GNG7: variants seen among roughly 807,000 people sequenced by gnomAD.
GNG7 encodes G protein subunit gamma 7, also known as guanine nucleotide-binding protein G(I)/G(S)/G(O) subunit gamma-7.
GNG7 carries 1 observed loss-of-function variant against 4.0 expected under a neutral mutation model. The observed-to-expected ratio is 0.25, with a 90% CI of 0.09 to 1.18. The LOEUF is 1.18. Among genes scored for constraint, GNG7 ranks in the 50% most tolerant of loss-of-function variants. GNG7 has a pLI of 0.50. For missense variants in GNG7, 86 were observed against 91.9 expected (o/e 0.94, Z 0.26); for synonymous variants, 34 against 36.9 (o/e 0.92, Z 0.29).
intron 3 of GNG7, among the ~76,000 whole-genome samples, chr19:2,536,585 A>G (rs1429642339): frequency 6.6e-6 from 1 of 152,236 alleles, no homozygotes; most frequent in East Asian, 1.9e-4. Context: ...TGGCTTGCAG[A>G]CAAGAGCACT....
At chr19:2,651,727 AGCTAATTTTT>A (rs1171538550) in intron 1 of GNG7, among the ~76,000 whole-genome samples, 1 of 151,120 alleles carries the variant, frequency 6.6e-6, no homozygotes, top group African/African-American at 2.4e-5. Flanking sequence ...CACCACGCCC[AGCTAATTTTT>A]GTAGTTTTTG....
At position 2,519,246 on chromosome 19, in the gene GNG7, G is replaced by C. The variant is rs1166791978; in HGVS notation, c.81+1362C>G. 4.7e-5 allele frequency among the ~76,000 whole-genome samples: 7 copies of C among 149,522 alleles called. No individual in the cohort carries two copies. In the Middle Eastern group the frequency reaches 0.01, roughly 219 times the overall value. On this transcript the variant is annotated intron_variant, in intron 4 of 4. Coordinates refer to ENST00000382159, the MANE Select transcript of GNG7 (RefSeq NM_052847.3). ...GCTCACTGCAACCTCCACCTCCCAG[G>C]TTCAAGTGATTCTCCTGCCTCAGCC...
At position 2,633,487 on chromosome 19, in the gene GNG7, GCACACACACACACA is replaced by G. The variant is rs796899840; in HGVS notation, c.-78+12723_-78+12736del. Among the ~76,000 whole-genome samples, 83 of 103,810 alleles carry G rather than the reference GCACACACACACACA, an allele frequency of 8.0e-4. No individual in the cohort carries two copies. Among genetic ancestry groups the G allele is most frequent in the Admixed American group, 4.5e-3 (49 of 10,812 alleles). The allele number at this position is 103,810 out of a possible 152,430, so 68.1% of individuals were successfully genotyped here. On this transcript the variant is annotated intron_variant, in intron 2 of 4. Coordinates refer to ENST00000382159, the MANE Select transcript of GNG7 (RefSeq NM_052847.3). The surrounding 1 kb of genome is among the most constrained non-coding windows in gnomAD (Gnocchi z 5.9). Reference sequence around the variant, plus strand: ...TAGCAACAGGCGCGCGCGCGCGCGCGCACACACACACACACACACACACACACACACACACACGA... The same window carrying G: ...TAGCAACAGGCGCGCGCGCGCGCGCGCACACACACACACACACACACACGA...
intron 3 of GNG7, among the ~76,000 whole-genome samples, chr19:2,542,045 C>T (rs1339866025): frequency 6.6e-6 from 1 of 151,572 alleles, no homozygotes; most frequent in Non-Finnish European, 1.5e-5. Flanking sequence ...TTCCAAAGAG[C>T]TCCCTGTGGC....
At chr19:2,629,552 C>T (rs763856964) in intron 2 of GNG7, among the ~76,000 whole-genome samples, 11 of 152,276 alleles carry the variant, frequency 7.2e-5, no homozygotes, top group East Asian at 3.9e-4. Context: ...CCCCTCCCCA[C>T]GACAAAGCCC....
chr19:2,518,093 C>T lies in GNG7; in HGVS notation c.81+2515G>A, dbSNP rs1978292002. On this transcript the variant is annotated intron_variant, in intron 4 of 4. Transcript: ENST00000382159. ...CTGGCATTGTGGCTCCAGCACGTGG[C>T]ACCTTGGCACCACCCCCCATGCCCA... is the stretch of plus-strand genomic sequence containing the variant. Among the ~76,000 whole-genome samples, 4 of 152,218 alleles carry T rather than the reference C, an allele frequency of 2.6e-5. 2 individuals are homozygous for T. The South Asian group carries it at 8.3e-4, about 31-fold the overall frequency.
At chr19:2,564,175 C>G (rs1224774039) in intron 2 of GNG7, among the ~76,000 whole-genome samples, 1 of 152,150 alleles carries the variant, frequency 6.6e-6, no homozygotes, top group Non-Finnish European at 1.5e-5. Flanking sequence ...TGGCACGTAA[C>G]CTTCTCAGAG....
At chr19:2,652,653 A>G (rs1002204028) in intron 1 of GNG7, among the ~76,000 whole-genome samples, 3 of 140,588 alleles carry the variant, frequency 2.1e-5, no homozygotes, top group African/African-American at 8.7e-5. Context: ...TCCCAAATAC[A>G]TAGAAACAGA....
chr19:2,553,781 TCA>T lies in GNG7; in HGVS notation c.-38+1366_-38+1367del, dbSNP rs548212433. ...TGCACATATTGCATGTAATGTTATA[TCA>T]CACACATGTACGTATCATGTGTAAT... On this transcript the variant is annotated intron_variant, in intron 3 of 4. Transcript: ENST00000382159. Among the ~76,000 whole-genome samples, 143 of 146,002 alleles carry T rather than the reference TCA, an allele frequency of 9.8e-4. 2 individuals carry two copies. Among genetic ancestry groups the T allele is most frequent in the Middle Eastern group, 3.6e-3 (1 of 278 alleles).
chr19:2,517,514 G>A (rs185767268), intron 4 of GNG7, among the ~76,000 whole-genome samples: 29 of 152,152 alleles, frequency 1.9e-4, no homozygotes, highest in African/African-American at 5.5e-4. Flanking sequence ...CCAGGCGCAC[G>A]CCACCACGCC....
At chr19:2,671,043 T>C (rs980900207) in intron 1 of GNG7, among the ~76,000 whole-genome samples, 5 of 151,864 alleles carry the variant, frequency 3.3e-5, no homozygotes, top group African/African-American at 1.2e-4. Flanking sequence ...GGGAGCAGAC[T>C]CGATATTTTT....
At chr19:2,585,454 GGCAAGGCAAGT>G (rs1237515768) in intron 2 of GNG7, among the ~76,000 whole-genome samples, 2 of 149,990 alleles carry the variant, frequency 1.3e-5, no homozygotes, top group Non-Finnish European at 2.9e-5. Flanking sequence ...GAAAAAATAG[GGCAAGGCAAGT>G]GTAAACAGTT....
chr19:2,575,051 C>T (rs985175671), intron 2 of GNG7, among the ~76,000 whole-genome samples: 8 of 151,406 alleles, frequency 5.3e-5, no homozygotes, highest in African/African-American at 1.2e-4. Flanking sequence ...TGGAATCTCT[C>T]TTTCTTTTTT....
chr19:2,536,660 G>A (rs1599378189), intron 3 of GNG7, among the ~76,000 whole-genome samples: 1 of 152,166 alleles, frequency 6.6e-6, no homozygotes, highest in Non-Finnish European at 1.5e-5. Context: ...GCGAGGTCCC[G>A]ACAGGGAGGA....
At chr19:2,625,544 G>A (rs1488911553) in intron 2 of GNG7, among the ~76,000 whole-genome samples, 2 of 152,012 alleles carry the variant, frequency 1.3e-5, no homozygotes, top group African/African-American at 4.8e-5. Context: ...CCTCGGTCAC[G>A]GGGATCAGGA....
chr19:2,584,982 TGGAG>T (rs1235146509), intron 2 of GNG7, among the ~76,000 whole-genome samples: 3 of 18,618 alleles, frequency 1.6e-4, no homozygotes, highest in African/African-American at 8.4e-4. Flanking sequence ...GAGGGAGGGA[TGGAG>T]GGAGGGAGGG....
chr19:2,658,247 G>A (rs1030013818), intron 1 of GNG7, among the ~76,000 whole-genome samples: 3 of 152,084 alleles, frequency 2.0e-5, no homozygotes, highest in Non-Finnish European at 4.4e-5. Context: ...CCTCATGTTA[G>A]TATCTTACAT....
At chr19:2,569,044 TATACAC>T (rs1980061913) in intron 2 of GNG7, among the ~76,000 whole-genome samples, 1 of 110,946 alleles carries the variant, frequency 9.0e-6, no homozygotes, top group Admixed American at 1.0e-4. Context: ...AGCACAAACA[TATACAC>T]AGAAGCGCAC....
Position 2,653,065 on chromosome 19 carries a change from C to T in GNG7, c.-134-6785G>A, listed in dbSNP as rs989969242. ...GAGATCACACCACTGCACTCCAGCC[C>T]GGGCAACAGAGCAAGACTCTGACTC... On this transcript the variant is annotated intron_variant, in intron 1 of 4. Coordinates refer to ENST00000382159, the MANE Select transcript of GNG7 (RefSeq NM_052847.3). The surrounding 1 kb of genome is among the most constrained non-coding windows in gnomAD (Gnocchi z 4.8). 1.3e-5 allele frequency among the ~76,000 whole-genome samples: 2 copies of T among 151,430 alleles called. No homozygotes were observed. The highest frequency in any genetic ancestry group is 2.9e-5 in the Non-Finnish European group (2 of 67,876).
Sources: gnomAD v4.1 joint callset for allele counts (sites outside exome capture counted in the v4.1 genomes callset) on GRCh38, gnomAD v4.1.1 for gene constraint, Gnocchi (gnomAD v3.1) non-coding constraint, MANE v1.5 for transcripts, NCBI Gene and HGNC (gene_info 2026-07-23, HGNC 2026-07-21) for gene names.